ADORA2B: variants seen among roughly 807,000 people sequenced by gnomAD.
ADORA2B encodes the protein adenosine A2b receptor, also known as adenosine receptor A2b.
A neutral mutation model predicts 20.8 loss-of-function variants in ADORA2B; 18 were observed. The ratio of observed to expected loss-of-function variants is 0.87; its 90% confidence interval spans 0.60 to 1.29. ADORA2B has a LOEUF of 1.29. ADORA2B is among the 50% of genes most tolerant of loss of function. The pLI, the probability that ADORA2B is intolerant of heterozygous loss-of-function variation, is 0.00. For synonymous variants in ADORA2B, 179 were observed against 178.3 expected (o/e 1.00, Z -0.03); for missense variants, 441 against 422.7 (o/e 1.04, Z -0.38).
the ADORA2B span, among the ~76,000 whole-genome samples, chr17:15,936,291 A>T: frequency 6.6e-6 from 1 of 151,382 alleles, no homozygotes; most frequent in African/African-American, 2.4e-5. Context: ...AATTGTTTAG[A>T]CAGATTCCTG....
chr17:15,899,386 T>C, the ADORA2B span, among the ~76,000 whole-genome samples: 1 of 152,216 alleles, frequency 6.6e-6, no homozygotes. Flanking sequence ...TTCAAGTAAA[T>C]AGCAGTTTCT....
the ADORA2B span, among the ~76,000 whole-genome samples, chr17:15,867,205 A>C: frequency 6.7e-6 from 1 of 149,532 alleles, no homozygotes; most frequent in African/African-American, 2.5e-5. Flanking sequence ...CCCGGCCGCC[A>C]CCCCGTCTGG....
chr17:15,853,971 T>C, the ADORA2B span, among the ~76,000 whole-genome samples: 1 of 152,176 alleles, frequency 6.6e-6, no homozygotes, highest in Non-Finnish European at 1.5e-5. Context: ...TTATTTATTT[T>C]TGAGACGGAG....
At chr17:15,890,159 A>G in the ADORA2B span, among the ~76,000 whole-genome samples, 1 of 129,576 alleles carries the variant, frequency 7.7e-6, no homozygotes, top group East Asian at 2.0e-4. Flanking sequence ...ATTTCCCCAT[A>G]TCTTCATTAA....
At chr17:15,932,739 C>G in the ADORA2B span, among the ~76,000 whole-genome samples, 5 of 152,104 alleles carry the variant, frequency 3.3e-5, no homozygotes, top group Admixed American at 3.3e-4. Context: ...GAATCCCTGT[C>G]AAATATCAAT....
the ADORA2B span, among the ~76,000 whole-genome samples, chr17:15,930,122 G>A: frequency 5.9e-4 from 90 of 152,236 alleles, no homozygotes; most frequent in Non-Finnish European, 1.0e-3. Context: ...CACCCTGCAG[G>A]GGCTCTGCAA....
chr17:15,898,878 G>A, the ADORA2B span, among the ~76,000 whole-genome samples: 1 of 152,056 alleles, frequency 6.6e-6, no homozygotes, highest in South Asian at 2.1e-4. Flanking sequence ...TTCCAACAAC[G>A]AAATAGAAAT....
chr17:15,895,882 C>T, the ADORA2B span, among the ~76,000 whole-genome samples: 5 of 152,074 alleles, frequency 3.3e-5, no homozygotes, highest in African/African-American at 1.2e-4. Context: ...CCCTGCACTC[C>T]CATAAACACA....
the ADORA2B span, among the ~76,000 whole-genome samples, chr17:15,851,824 T>C: frequency 6.6e-6 from 1 of 152,146 alleles, no homozygotes; most frequent in Non-Finnish European, 1.5e-5. Context: ...GAAAAGGAAG[T>C]GTATTTGACC....
chr17:15,874,853 C>T, the ADORA2B span, among the ~76,000 whole-genome samples: 1 of 152,112 alleles, frequency 6.6e-6, no homozygotes, highest in Admixed American at 6.5e-5. Flanking sequence ...AATATATATT[C>T]TCAAATTGCT....
chr17:15,905,270 T>C, the ADORA2B span, among the ~76,000 whole-genome samples: 1 of 138,910 alleles, frequency 7.2e-6, no homozygotes, highest in African/African-American at 2.5e-5. Context: ...AGACCTTAGT[T>C]GTTTTGTTGT....
At chr17:15,886,364 C>T in the ADORA2B span, among the ~76,000 whole-genome samples, 5 of 129,760 alleles carry the variant, frequency 3.9e-5, 1 homozygote, top group Non-Finnish European at 8.1e-5. Flanking sequence ...CCACACTTCC[C>T]TGTGGGTGTA....
At chr17:15,964,113 A>C (rs1435786927) in intron 1 of ADORA2B, among the ~76,000 whole-genome samples, 1 of 152,214 alleles carries the variant, frequency 6.6e-6, no homozygotes, top group African/African-American at 2.4e-5. Context: ...AGCCGTGCCC[A>C]TCTGCAGAGA....
chr17:15,908,767 A>G, the ADORA2B span: 2 of 152,988 alleles, frequency 1.3e-5, no homozygotes, highest in Non-Finnish European at 2.9e-5. Context: ...ATCCTAGTGG[A>G]CCAACACCCA....
the ADORA2B span, among the ~76,000 whole-genome samples, chr17:15,889,695 C>T: frequency 4.1e-4 from 53 of 129,652 alleles, 13 homozygotes; most frequent in Non-Finnish European, 7.0e-4. Context: ...CTCAGACGTT[C>T]GAGACCATCC....
chr17:15,940,576 C>T (rs1969735105), upstream of ADORA2B, among the ~76,000 whole-genome samples: 2 of 152,182 alleles, frequency 1.3e-5, no homozygotes, highest in Non-Finnish European at 2.9e-5. Context: ...GCCTAGAGCT[C>T]TCAGGTTAGA....
the ADORA2B span, among the ~76,000 whole-genome samples, chr17:15,854,624 A>G: frequency 1.3e-5 from 2 of 152,356 alleles, no homozygotes; most frequent in Non-Finnish European, 2.9e-5. Flanking sequence ...ATATAAAACT[A>G]CTTTTGAAAA....
In ADORA2B at chr17:15,975,123, G is replaced by T. The variant is rs756973201; in HGVS notation, c.780G>T (p.Gln260His). The change falls in exon 2 of 2, where the codon CAG (glutamine) becomes CAT (histidine). Residue 260 changes from glutamine (Q) to histidine (H), a missense_variant. Physicochemically the swap from Gln to His is conservative, Grantham distance 24 (BLOSUM62 0). Coordinates refer to ENST00000304222, the MANE Select transcript of ADORA2B (RefSeq NM_000676.4). ...VHAVNCVTLF[Q>H]PAQGKNKPKW... ...CTGTTAACTGTGTCACTCTTTTCCA[G>T]CCAGCTCAGGGTAAAAATAAGCCCA... The T allele has an allele frequency of 1.2e-6, 2 of 1,614,160 alleles. No homozygotes were observed. The highest frequency in any genetic ancestry group is 1.7e-6 in the Non-Finnish European group (2 of 1,180,038).
chr17:15,862,392 A>AT, the ADORA2B span, among the ~76,000 whole-genome samples: 6 of 148,948 alleles, frequency 4.0e-5, no homozygotes, highest in Non-Finnish European at 8.9e-5. Flanking sequence ...TAATTTTTGT[A>AT]TTTTTTTTAG....
Sources: allele counts gnomAD v4.1 joint callset (sites outside exome capture counted in the v4.1 genomes callset), GRCh38; gene constraint gnomAD v4.1.1; transcripts MANE v1.5; gene names NCBI Gene and HGNC (gene_info 2026-07-23, HGNC 2026-07-21).